GOPC: variants seen among roughly 807,000 people sequenced by gnomAD.
GOPC encodes the protein golgi associated PDZ and coiled-coil motif containing.
A neutral mutation model predicts 51.2 loss-of-function variants in GOPC; 32 were observed. The observed-to-expected ratio is 0.63, with a 90% CI of 0.47 to 0.84. The LOEUF (loss-of-function observed/expected upper bound fraction) is 0.84. Ranked by LOEUF, GOPC falls within the 40% of genes least tolerant of loss-of-function variation. The pLI, the probability that GOPC is intolerant of heterozygous loss-of-function variation, is 0.00. For missense variants in GOPC, 441 were observed against 555.5 expected (o/e 0.79, Z 2.07); for synonymous variants, 190 against 205.1 (o/e 0.93, Z 0.63).
At position 117,566,998 on chromosome 6, in the gene GOPC, G is replaced by A. The variant is rs201443939; in HGVS notation, c.1114C>T (p.Pro372Ser). 1.0e-5 allele frequency: 16 copies of A among 1,605,898 alleles called. No homozygotes were observed. The African/African-American group carries it at 2.1e-4, about 22-fold the overall frequency. The change falls in exon 8 of 9, where the codon CCT (proline) becomes TCT (serine). Residue 372 changes from proline (P) to serine (S), a missense_variant. Transcript: ENST00000368498. ...EIEFEVVYVA[P>S]EVDSDDENVE... ...TTTTCATCATCAGAATCCACTTCAGGAGCCACATAAACTACTTCAAATTCA... is the reference window on the plus strand; with the variant it reads ...TTTTCATCATCAGAATCCACTTCAGAAGCCACATAAACTACTTCAAATTCA...
At chr6:117,578,797 C>T in intron 2 of GOPC, 103 bp downstream of exon 2, 1 of 647,038 alleles carries the variant, frequency 1.5e-6, no homozygotes. Flanking sequence ...CTAAATTTCC[C>T]ACAATAAGCA....
intron 8 of GOPC, among the ~76,000 whole-genome samples, chr6:117,564,700 C>A (rs1779658557): frequency 6.6e-6 from 1 of 152,102 alleles, no homozygotes; most frequent in Non-Finnish European, 1.5e-5. Context: ...GAGAAGACTT[C>A]TAGCCTCAGT....
rs372444080 is a variant in GOPC at position 117,578,902 on chromosome 6, A to G, written c.448T>C (p.Leu150=). ...SADSGTIKAK[L]SGPSVEELER... is the part of the protein sequence containing the mutation. ...ATGTCACTCTCTAAACTACTTACCA[A>G]TTTTGCCTTAATGGTACCAGAGTCA... The change falls in exon 2 of 9, where the codon TTG becomes CTG. Residue 150 remains leucine (L), a splice_region_variant and synonymous_variant. Transcript: ENST00000368498. 1.9e-6 allele frequency: 3 copies of G among 1,582,848 alleles called. No individual in the cohort carries two copies. Among genetic ancestry groups the G allele is most frequent in the African/African-American group, 1.4e-5 (1 of 73,788 alleles).
intron 1 of GOPC, among the ~76,000 whole-genome samples, chr6:117,591,293 C>T (rs1429450927): frequency 6.6e-6 from 1 of 152,174 alleles, no homozygotes; most frequent in Non-Finnish European, 1.5e-5. Flanking sequence ...AAACAAAAAG[C>T]TCCTAGAAAC....
chr6:117,589,961 A>G (rs2114624388), intron 1 of GOPC, among the ~76,000 whole-genome samples: 1 of 152,324 alleles, frequency 6.6e-6, no homozygotes, highest in Middle Eastern at 3.4e-3. Context: ...ACCATGAAAT[A>G]TTAACTCACA....
intron 4 of GOPC, 61 bp from the exon 5 acceptor site, chr6:117,573,693 G>A: frequency 7.4e-7 from 1 of 1,350,606 alleles, no homozygotes; most frequent in Non-Finnish European, 1.0e-6. Flanking sequence ...GAGAATTCAG[G>A]AAAATTAGTG....
intron 1 of GOPC, among the ~76,000 whole-genome samples, chr6:117,593,414 ATGTTT>A (rs1780148109): frequency 6.6e-6 from 1 of 152,176 alleles, no homozygotes; most frequent in Non-Finnish European, 1.5e-5. Flanking sequence ...TCACAGACTT[ATGTTT>A]TATTTGTTTT....
At position 117,562,851 on chromosome 6, in the gene GOPC, A is replaced by T. The variant is rs1562135116; in HGVS notation, c.*403T>A. 1 of 217,920 alleles carries T rather than the reference A, an allele frequency of 4.6e-6. No individual in the cohort carries two copies. Among genetic ancestry groups the T allele is most frequent in the East Asian group, 6.9e-5 (1 of 14,522 alleles). The allele number at this position is 217,920 out of a possible 1,614,324, so 13.5% of individuals were successfully genotyped here. On this transcript the variant is annotated 3_prime_UTR_variant, in exon 9 of 9. Transcript: ENST00000368498. The stretch of plus-strand genomic sequence containing the variant: ...GAAATACCACAGTTAACATTCTAGA[A>T]TATAAAATATGAATTCACTTACTCT...
At chr6:117,574,703 T>C (rs1236763637) in intron 4 of GOPC, among the ~76,000 whole-genome samples, 2 of 152,222 alleles carry the variant, frequency 1.3e-5, no homozygotes, top group South Asian at 4.1e-4. Context: ...TACATAATGC[T>C]GTCAGTATTA....
In GOPC at chr6:117,574,963, C is replaced by T. The variant is rs141873545; in HGVS notation, c.650+214G>A. ...CCGTGGTGGCAGGCACCTGTAATCC[C>T]AGCTACTCAGGAGGCTGAGGTAGGA... On this transcript the variant is annotated intron_variant, in intron 4 of 8. Coordinates refer to ENST00000368498, the MANE Select transcript of GOPC (RefSeq NM_020399.4). 7.4e-3 allele frequency among the ~76,000 whole-genome samples: 1,127 copies of T among 152,202 alleles called. 36 individuals are homozygous for T. Among genetic ancestry groups the T allele is most frequent in the East Asian group, 0.046 (237 of 5,172 alleles).
intron 1 of GOPC, among the ~76,000 whole-genome samples, chr6:117,588,855 T>C (rs931025793): frequency 1.3e-5 from 2 of 150,886 alleles, no homozygotes; most frequent in Non-Finnish European, 3.0e-5. Context: ...TCTCAAAATT[T>C]GTAAGAATGC....
chr6:117,580,830 T>C (rs927366908), intron 1 of GOPC, among the ~76,000 whole-genome samples: 6 of 152,168 alleles, frequency 3.9e-5, no homozygotes, highest in African/African-American at 1.4e-4. Context: ...CATGTTATCA[T>C]GGTAACTTTG....
chr6:117,581,728 T>C (rs972568251), intron 1 of GOPC, among the ~76,000 whole-genome samples: 1 of 152,368 alleles, frequency 6.6e-6, no homozygotes, highest in African/African-American at 2.4e-5. Context: ...CATTCTACTT[T>C]CCCTCAACTT....
At chr6:117,584,367 G>C (rs978432867) in intron 1 of GOPC, among the ~76,000 whole-genome samples, 2 of 152,184 alleles carry the variant, frequency 1.3e-5, no homozygotes, top group Non-Finnish European at 2.9e-5. Context: ...GACACTAGTT[G>C]CAAGTCTATG....
At chr6:117,565,676 A>G (rs1402979179) in intron 8 of GOPC, among the ~76,000 whole-genome samples, 1 of 152,198 alleles carries the variant, frequency 6.6e-6, no homozygotes, top group East Asian at 1.9e-4. Context: ...CATGGTGATC[A>G]ACGTATGTTT....
intron 3 of GOPC, 50 bp downstream of exon 3, chr6:117,577,398 A>G: frequency 6.6e-7 from 1 of 1,520,966 alleles, no homozygotes; most frequent in Non-Finnish European, 9.0e-7. Context: ...TAAAACACTA[A>G]GAACACTTCA....
intron 1 of GOPC, among the ~76,000 whole-genome samples, chr6:117,582,689 C>G (rs940937076): frequency 6.6e-6 from 1 of 150,482 alleles, no homozygotes; most frequent in Non-Finnish European, 1.5e-5. Flanking sequence ...CCCCTCTCTG[C>G]TGAGAGCCAC....
chr6:117,593,675 G>A (rs1433705387), intron 1 of GOPC, among the ~76,000 whole-genome samples: 1 of 152,160 alleles, frequency 6.6e-6, no homozygotes, highest in African/African-American at 2.4e-5. Context: ...TGTGAGAATT[G>A]GATGAATCAG....
chr6:117,576,670 A>G (rs1408361344), intron 3 of GOPC, among the ~76,000 whole-genome samples: 1 of 152,124 alleles, frequency 6.6e-6, no homozygotes, highest in Non-Finnish European at 1.5e-5. Context: ...TAATGATTCA[A>G]ATCCCTAATG....
Sources: gnomAD v4.1 joint callset for allele counts (sites outside exome capture counted in the v4.1 genomes callset) on GRCh38, gnomAD v4.1.1 for gene constraint, MANE v1.5 for transcripts, NCBI Gene and HGNC (gene_info 2026-07-23, HGNC 2026-07-21) for gene names.